Variants in SIKE1 observed in about 807,000 individuals in gnomAD.
The protein encoded by SIKE1 is suppressor of IKK epsilon.
Under a neutral mutation model 25.8 loss-of-function variants are expected in SIKE1, and 13 were observed. The observed-to-expected ratio is 0.50, with a 90% CI of 0.33 to 0.80. The LOEUF is 0.80. SIKE1 is among the 30% of genes least tolerant of loss of function. The pLI is 0.02. For missense variants in SIKE1, 222 were observed against 252.4 expected, an observed-to-expected ratio of 0.88 and a Z score of 0.82; for synonymous variants, 86 against 95.5, an observed-to-expected ratio of 0.90 and a Z score of 0.58.
Position 114,770,625 on chromosome 1 carries a change from G to A in SIKE1, c.*3646C>T, listed in dbSNP as rs1205189983. The A allele has an allele frequency of 6.6e-6, 1 of 152,172 alleles. No individual in the cohort carries two copies. The highest frequency in any genetic ancestry group is 1.5e-5 in the Non-Finnish European group (1 of 68,030). The allele number at this position is 152,172 out of a possible 1,614,324, so 9.4% of individuals were successfully genotyped here. A position where few individuals can be genotyped will look rare whatever the true frequency, so the allele number is the denominator to read the frequency against. On this transcript the variant is annotated 3_prime_UTR_variant, in exon 5 of 5. Coordinates refer to ENST00000060969, the MANE Select transcript of SIKE1 (RefSeq NM_025073.3). ...CCTGGTACTTTCAAATTCTTTAGGA[G>A]GAAGAAATGCTCTGCCTCATTAGGT...
rs185340846 is a variant in SIKE1 at position 114,776,648 on chromosome 1, A to T, written c.409-189T>A. Among the ~76,000 whole-genome samples the T allele has an allele frequency of 8.6e-3, 1,225 of 143,262 alleles. 11 individuals are homozygous for T. The highest frequency in any genetic ancestry group is 0.03 in the African/African-American group (1,137 of 38,110). The allele number at this position is 143,262 out of a possible 152,430, so 94.0% of individuals were successfully genotyped here. ...GTAAAGTGACCTTGTATTCACGGAT[A>T]TTTTTTTTTTTTTCTTTCAAAAAAT... On this transcript the variant is annotated intron_variant, in intron 3 of 4. Coordinates refer to ENST00000060969, the MANE Select transcript of SIKE1 (RefSeq NM_025073.3).
chr1:114,775,151 C>T (rs1043995033), intron 4 of SIKE1, among the ~76,000 whole-genome samples: 2 of 152,202 alleles, frequency 1.3e-5, no homozygotes, highest in Non-Finnish European at 2.9e-5. Flanking sequence ...GGACCTGTCA[C>T]TACCTTTGAT....
chr1:114,780,129 G>A lies in SIKE1; in HGVS notation c.246C>T (p.Asp82=). 1 of 1,612,732 alleles carries A rather than the reference G, an allele frequency of 6.2e-7. No individual in the cohort carries two copies. Among genetic ancestry groups the A allele is most frequent in the African/African-American group, 1.3e-5 (1 of 74,862 alleles). ...ACTAACCTCTGTTTTCCTGTTGCAAGTCTCTAATCTGTGTGTTCTCTTGGG... is the reference window on the plus strand; with the variant it reads ...ACTAACCTCTGTTTTCCTGTTGCAAATCTCTAATCTGTGTGTTCTCTTGGG... ...LLSQENTQIR[D]LQQENRELWI... The change falls in exon 2 of 5, where the codon GAC becomes GAT. Residue 82 remains aspartate, a synonymous_variant. Transcript: ENST00000060969.
At chr1:114,775,640 G>A (rs914523082) in intron 4 of SIKE1, among the ~76,000 whole-genome samples, 40 of 151,610 alleles carry the variant, frequency 2.6e-4, no homozygotes, top group African/African-American at 9.7e-4. Flanking sequence ...TGAGTACCTG[G>A]GATTACAGGT....
At chr1:114,779,082 A>G in intron 3 of SIKE1, 60 bp downstream of exon 3, 1 of 1,602,862 alleles carries the variant, frequency 6.2e-7, no homozygotes, top group Non-Finnish European at 8.5e-7. Context: ...CAAGCACACA[A>G]TCTAAAACAA....
chr1:114,774,203 G>A lies in SIKE1; in HGVS notation c.*68C>T, dbSNP rs1312432121. The A allele has an allele frequency of 8.1e-7, 1 of 1,234,386 alleles. No homozygotes were observed. The highest frequency in any genetic ancestry group is 1.2e-6 in the Non-Finnish European group (1 of 844,336). 76.5% of individuals were successfully genotyped at this position (1,234,386 alleles called of 1,614,324 possible). A position where few individuals can be genotyped will look rare whatever the true frequency, so the allele number is the denominator to read the frequency against. On this transcript the variant is annotated 3_prime_UTR_variant, in exon 5 of 5. Transcript: ENST00000060969. The stretch of plus-strand genomic sequence containing the variant: ...TCTGAGGCAAGACACTTAATGGACA[G>A]TACTTGAATGGGAAGACAGTAACTT...
Position 114,780,671 on chromosome 1 carries a change from G to T in SIKE1, c.-64C>A. ...CGCGACTCGCTCAGATCTTCTGGGA[G>T]TCTGTCTCAGCATTACAGGCGTCAT... On this transcript the variant is annotated 5_prime_UTR_variant, in exon 1 of 5. Coordinates refer to ENST00000060969, the MANE Select transcript of SIKE1 (RefSeq NM_025073.3). 1.4e-6 allele frequency: 2 copies of T among 1,412,410 alleles called. No homozygotes were observed. Among genetic ancestry groups the T allele is most frequent in the Non-Finnish European group, 9.6e-7 (1 of 1,041,016 alleles). 87.5% of individuals were successfully genotyped at this position (1,412,410 alleles called of 1,614,324 possible). A position where few individuals can be genotyped will look rare whatever the true frequency, so the allele number is the denominator to read the frequency against.
rs745520552 is a variant in SIKE1, at chr1:114,779,223, C to T, written c.327G>A (p.Arg109=). The T allele has an allele frequency of 4.3e-6, 7 of 1,614,192 alleles. No individual in the cohort carries two copies. The South Asian group carries it at 6.6e-5, about 15-fold the overall frequency. The change falls in exon 3 of 5, where the codon CGG becomes CGA. Residue 109 remains arginine (R), a synonymous_variant. Coordinates refer to ENST00000060969, the MANE Select transcript of SIKE1 (RefSeq NM_025073.3). ...DALELIMSKY[R]KQMLQLMVAK... Reference sequence around the variant, plus strand: ...CAACCATTAACTGTAACATCTGTTTCCGATATTTGCTCATGATAAGTTCCA... The same window carrying T: ...CAACCATTAACTGTAACATCTGTTTTCGATATTTGCTCATGATAAGTTCCA...
In SIKE1 at chr1:114,779,289, C is replaced by G; in HGVS notation, c.266-5G>C. 1 of 1,608,478 alleles carries G rather than the reference C, an allele frequency of 6.2e-7. No homozygotes were observed. The highest frequency in any genetic ancestry group is 8.5e-7 in the Non-Finnish European group (1 of 1,179,210). ...CCTCCAAGGAAATCCATAGCTCTGT[C>G]AAAAAATAAAAGAACTTGGCAGTGA... On this transcript the variant is annotated splice_polypyrimidine_tract_variant and splice_region_variant and intron_variant, in intron 2 of 4. Transcript: ENST00000060969.
rs1431819986 is a variant in SIKE1, at chr1:114,771,684, T to C, written c.*2587A>G. ...TGAATTCTCAAGTTTAAAGTCCCTC[T>C]TCTGTATCTTATACATACTATAATG... On this transcript the variant is annotated 3_prime_UTR_variant, in exon 5 of 5. Coordinates refer to ENST00000060969, the MANE Select transcript of SIKE1 (RefSeq NM_025073.3). 4 of 152,238 alleles carry C rather than the reference T, an allele frequency of 2.6e-5. No homozygotes were observed. The highest frequency in any genetic ancestry group is 5.9e-5 in the Non-Finnish European group (4 of 68,040). The allele number at this position is 152,238 out of a possible 1,614,324, so 9.4% of individuals were successfully genotyped here.
Position 114,772,952 on chromosome 1 carries a change from A to G in SIKE1, c.*1319T>C, listed in dbSNP as rs1662107635. The G allele has an allele frequency of 6.6e-6, 1 of 152,210 alleles. No individual in the cohort carries two copies. Among genetic ancestry groups the G allele is most frequent in the African/African-American group, 2.4e-5 (1 of 41,456 alleles). 9.4% of individuals were successfully genotyped at this position (152,210 alleles called of 1,614,324 possible). On this transcript the variant is annotated 3_prime_UTR_variant, in exon 5 of 5. Coordinates refer to ENST00000060969, the MANE Select transcript of SIKE1 (RefSeq NM_025073.3). Reference sequence around the variant, plus strand: ...TGTTATTTTAACTGTAGTTCTTTATAGCATTACGAAAGAAATATCACTCAC... The same window carrying G: ...TGTTATTTTAACTGTAGTTCTTTATGGCATTACGAAAGAAATATCACTCAC...
At chr1:114,775,449 C>G (rs1187989272) in intron 4 of SIKE1, among the ~76,000 whole-genome samples, 4 of 151,978 alleles carry the variant, frequency 2.6e-5, no homozygotes, top group Non-Finnish European at 4.4e-5. Context: ...CTCAAAGGCC[C>G]CAGGACAGCA....
Position 114,773,753 on chromosome 1 carries a change from G to A in SIKE1, c.*518C>T, listed in dbSNP as rs1662134107. ...TATAAAGTGCCAATTCTTAGCACCA[G>A]AGAGACTTAAAATGTCACAGGTGAA... On this transcript the variant is annotated 3_prime_UTR_variant, in exon 5 of 5. Coordinates refer to ENST00000060969, the MANE Select transcript of SIKE1 (RefSeq NM_025073.3). 6.6e-6 allele frequency: 1 copy of A among 152,574 alleles called. No individual in the cohort carries two copies. The highest frequency in any genetic ancestry group is 2.1e-4 in the South Asian group (1 of 4,836). 9.5% of individuals were successfully genotyped at this position (152,574 alleles called of 1,614,324 possible).
At chr1:114,778,894 C>CA in intron 3 of SIKE1, 1 of 491,330 alleles carries the variant, frequency 2.0e-6, no homozygotes, top group Non-Finnish European at 3.6e-6. Context: ...AACAAACAAA[C>CA]AACCCCACAA....
chr1:114,779,225 G>A lies in SIKE1; in HGVS notation c.325C>T (p.Arg109Trp), dbSNP rs1662335478. 1.2e-6 allele frequency: 2 copies of A among 1,614,154 alleles called. No individual in the cohort carries two copies. Among genetic ancestry groups the A allele is most frequent in the Non-Finnish European group, 1.7e-6 (2 of 1,180,008 alleles). ...ACCATTAACTGTAACATCTGTTTCCGATATTTGCTCATGATAAGTTCCAAA... is the reference window on the plus strand; with the variant it reads ...ACCATTAACTGTAACATCTGTTTCCAATATTTGCTCATGATAAGTTCCAAA... ...DALELIMSKY[R>W]KQMLQLMVAK... is the part of the protein sequence containing the mutation. The change falls in exon 3 of 5, where the codon CGG (arginine) becomes TGG (tryptophan). Residue 109 changes from arginine to tryptophan, a missense_variant. Physicochemically the swap from Arg to Trp is moderately radical, Grantham distance 101 (BLOSUM62 -3). Transcript: ENST00000060969.
In SIKE1 at chr1:114,775,400, G is replaced by A. The variant is rs573595940; in HGVS notation, c.522+946C>T. Reference sequence around the variant, plus strand: ...AATACTAGGGTTATCCCTTCCACTAGACTCTGGGCAGGTATCTGTTTTTTT... The same window carrying A: ...AATACTAGGGTTATCCCTTCCACTAAACTCTGGGCAGGTATCTGTTTTTTT... On this transcript the variant is annotated intron_variant, in intron 4 of 4. Coordinates refer to ENST00000060969, the MANE Select transcript of SIKE1 (RefSeq NM_025073.3). Among the ~76,000 whole-genome samples the A allele has an allele frequency of 2.0e-5, 3 of 151,990 alleles. No individual in the cohort carries two copies. The South Asian group carries it at 6.2e-4, about 32-fold the overall frequency.
intron 2 of SIKE1, 92 bp downstream of exon 2, chr1:114,780,018 T>C: frequency 1.1e-6 from 1 of 873,514 alleles, no homozygotes; most frequent in South Asian, 1.6e-5. Context: ...CTAAAAGTAC[T>C]GACCTGGAAA....
chr1:114,774,264 A>T lies in SIKE1; in HGVS notation c.*7T>A. ...TAGACAATCTCCAGCCATCATTCAG[A>T]GTTCAGTTATTTGATGGCTTGGGAA... On this transcript the variant is annotated 3_prime_UTR_variant, in exon 5 of 5. Transcript: ENST00000060969. The T allele has an allele frequency of 6.3e-7, 1 of 1,597,088 alleles. No homozygotes were observed. Among genetic ancestry groups the T allele is most frequent in the African/African-American group, 1.3e-5 (1 of 74,788 alleles).
chr1:114,779,499 T>C (rs1470889857), intron 2 of SIKE1, among the ~76,000 whole-genome samples: 1 of 152,266 alleles, frequency 6.6e-6, no homozygotes, highest in East Asian at 1.9e-4. Flanking sequence ...AATGGATGTA[T>C]CATCAGAAGA....
Sources: allele counts gnomAD v4.1 joint callset (sites outside exome capture counted in the v4.1 genomes callset), GRCh38; gene constraint gnomAD v4.1.1; transcripts MANE v1.5; gene names NCBI Gene and HGNC (gene_info 2026-07-23, HGNC 2026-07-21).